The following RANBP17 variants were observed in gnomAD, a reference collection of about 807,000 sequenced individuals.
RANBP17 encodes the protein RAN binding protein 17.
RANBP17 carries 158 observed loss-of-function variants against 141.2 expected under a neutral mutation model. The ratio of observed to expected loss-of-function variants is 1.12; its 90% CI spans 0.98 to 1.28. The LOEUF is 1.28. Among genes scored for constraint, RANBP17 ranks in the 50% most tolerant of loss-of-function variants. The pLI is 0.00. For missense variants in RANBP17, 1,438 were observed against 1,290.7 expected (o/e 1.11, Z -1.75); for synonymous variants, 430 against 450.0 (o/e 0.96, Z 0.56).
At chr5:171,089,494 G>A (rs1284266154) in intron 14 of RANBP17, among the ~76,000 whole-genome samples, 6 of 152,134 alleles carry the variant, frequency 3.9e-5, no homozygotes, top group South Asian at 2.1e-4. Context: ...CACCCAGCTC[G>A]AGCTTCCCGG....
chr5:171,095,214 T>G (rs147869887), intron 14 of RANBP17, among the ~76,000 whole-genome samples: 30 of 152,352 alleles, frequency 2.0e-4, no homozygotes, highest in African/African-American at 7.0e-4. Context: ...TTTTTCCTGA[T>G]AGTTTTAAGA....
At chr5:170,871,588 C>A (rs928416180) in intron 1 of RANBP17, among the ~76,000 whole-genome samples, 3 of 152,176 alleles carry the variant, frequency 2.0e-5, no homozygotes, top group Non-Finnish European at 4.4e-5. Context: ...GCCATAAAAT[C>A]TTTGCCCATG....
At chr5:170,949,248 CAG>C (rs1371337051) in intron 12 of RANBP17, among the ~76,000 whole-genome samples, 4 of 152,070 alleles carry the variant, frequency 2.6e-5, no homozygotes, top group African/African-American at 9.7e-5. Context: ...TTAGATAAAA[CAG>C]AGTTGCAAAT....
intron 24 of RANBP17, among the ~76,000 whole-genome samples, chr5:171,263,128 C>T (rs1379040219): frequency 1.3e-5 from 2 of 152,184 alleles, no homozygotes; most frequent in East Asian, 1.9e-4. Context: ...TGATATTTCA[C>T]CTGTAATCTA....
In RANBP17 at chr5:171,240,964, A is replaced by G; in HGVS notation, c.2459A>G (p.Asp820Gly). The G allele has an allele frequency of 1.1e-5, 18 of 1,613,944 alleles. 1 individual carries two copies. The highest frequency in any genetic ancestry group is 1.5e-5 in the Non-Finnish European group (18 of 1,179,880). The change falls in exon 23 of 28, where the codon GAT becomes GGT. Residue 820 changes from aspartate to glycine, a missense_variant. Transcript: ENST00000523189. Reference protein sequence around the residue: ...QILSLGSLSKDQIYPMKLKGI... With the variant: ...QILSLGSLSKGQIYPMKLKGI... ...CTGTCCCTTGGGAGCCTCTCAAAAG[A>G]TCAGATTTATCCAATGAAACTCAAG...
chr5:171,297,846 C>CTTTTTTTTTT (rs71310040), intron 27 of RANBP17, among the ~76,000 whole-genome samples: 2 of 67,472 alleles, frequency 3.0e-5, no homozygotes, highest in African/African-American at 5.7e-5. Flanking sequence ...CCAATAAATT[C>CTTTTTTTTTT]TTTTTTTTTT....
chr5:170,957,098 C>CACACAA lies in RANBP17; in HGVS notation c.1574+3401_1574+3402insAACACA, dbSNP rs1184223758. 3.3e-5 allele frequency among the ~76,000 whole-genome samples: 5 copies of CACACAA among 151,768 alleles called. No homozygotes were observed. The East Asian group carries it at 9.8e-4, about 30-fold the overall frequency. ...ACACACACACACACACACACACACA[C>CACACAA]ACACACACACGCGCACACTGCCACT... On this transcript the variant is annotated intron_variant, in intron 13 of 27. Coordinates refer to ENST00000523189, the MANE Select transcript of RANBP17 (RefSeq NM_022897.5).
chr5:170,951,588 G>A (rs1232149925), intron 12 of RANBP17, among the ~76,000 whole-genome samples: 1 of 152,040 alleles, frequency 6.6e-6, no homozygotes, highest in African/African-American at 2.4e-5. Context: ...TAGAAGCTAG[G>A]GGCATGGGGG....
intron 14 of RANBP17, among the ~76,000 whole-genome samples, chr5:171,126,262 T>C (rs1220289092): frequency 1.3e-5 from 2 of 152,118 alleles, no homozygotes; most frequent in African/African-American, 4.8e-5. Context: ...TTTTAAAAAC[T>C]CTTGAGACGA....
chr5:171,016,764 T>A (rs2127596623), intron 14 of RANBP17, among the ~76,000 whole-genome samples: 1 of 152,228 alleles, frequency 6.6e-6, no homozygotes, highest in African/African-American at 2.4e-5. Flanking sequence ...CTGTGATTTA[T>A]AATATGCATT....
intron 14 of RANBP17, among the ~76,000 whole-genome samples, chr5:171,025,939 A>G (rs1428274364): frequency 6.6e-6 from 1 of 152,144 alleles, no homozygotes; most frequent in Non-Finnish European, 1.5e-5. Context: ...CACAACTATA[A>G]TTAATGTAAT....
intron 14 of RANBP17, among the ~76,000 whole-genome samples, chr5:170,994,603 A>G (rs1358615918): frequency 6.6e-6 from 1 of 152,242 alleles, no homozygotes; most frequent in African/African-American, 2.4e-5. Flanking sequence ...ATCCCAAGAA[A>G]TGCTGATAAA....
At chr5:171,186,783 G>A (rs1032187442) in intron 18 of RANBP17, among the ~76,000 whole-genome samples, 7 of 151,688 alleles carry the variant, frequency 4.6e-5, no homozygotes, top group Admixed American at 2.0e-4. Flanking sequence ...TGATCCGCCC[G>A]CCTCGGCCTC....
intron 14 of RANBP17, among the ~76,000 whole-genome samples, chr5:170,973,121 A>G (rs1777109582): frequency 6.6e-6 from 1 of 152,202 alleles, no homozygotes; most frequent in South Asian, 2.1e-4. Flanking sequence ...CAGGGATGCA[A>G]AAGTGAATAG....
At chr5:171,017,395 C>G (rs960879032) in intron 14 of RANBP17, among the ~76,000 whole-genome samples, 1 of 152,162 alleles carries the variant, frequency 6.6e-6, no homozygotes, top group African/African-American at 2.4e-5. Flanking sequence ...TCCTGTTTCT[C>G]CACACCCTCG....
At chr5:170,993,090 C>T (rs1250344192) in intron 14 of RANBP17, among the ~76,000 whole-genome samples, 1 of 151,962 alleles carries the variant, frequency 6.6e-6, no homozygotes, top group African/African-American at 2.4e-5. Context: ...ACTGCCAGAT[C>T]CTTTCTTTTA....
intron 14 of RANBP17, among the ~76,000 whole-genome samples, chr5:170,973,421 T>G (rs1328043335): frequency 1.3e-5 from 2 of 152,128 alleles, no homozygotes; most frequent in African/African-American, 2.4e-5. Context: ...ATAAAAAAGC[T>G]AAGCTCTAAA....
At chr5:171,269,109 C>A (rs907088144) in intron 25 of RANBP17, among the ~76,000 whole-genome samples, 1 of 152,118 alleles carries the variant, frequency 6.6e-6, no homozygotes, top group African/African-American at 2.4e-5. Context: ...CTCTGGTAGT[C>A]AGCATAAATA....
intron 14 of RANBP17, among the ~76,000 whole-genome samples, chr5:170,991,187 T>G (rs1336833838): frequency 1.3e-5 from 2 of 152,040 alleles, no homozygotes; most frequent in East Asian, 1.9e-4. Flanking sequence ...GTAGCTTTAT[T>G]TTTTTGAAGA....
Sources: allele counts gnomAD v4.1 joint callset (sites outside exome capture counted in the v4.1 genomes callset), GRCh38; gene constraint gnomAD v4.1.1; transcripts MANE v1.5; gene names NCBI Gene and HGNC (gene_info 2026-07-23, HGNC 2026-07-21).